CCNL1: variants seen among roughly 807,000 people sequenced by gnomAD.
CCNL1 encodes the protein cyclin-L1.
In CCNL1, 13 loss-of-function variants were observed where a neutral mutation model predicts 60.6. The ratio of observed to expected loss-of-function variants is 0.21; its 90% CI spans 0.14 to 0.34. The LOEUF (loss-of-function observed/expected upper bound fraction) is 0.34. Among genes scored for constraint, CCNL1 ranks in the 10% least tolerant of loss-of-function variants. CCNL1 has a pLI of 1.00. For synonymous variants in CCNL1, 270 were observed against 244.3 expected, an observed-to-expected ratio of 1.10 and a Z score of -0.98; for missense variants, 481 against 664.3, an observed-to-expected ratio of 0.72 and a Z score of 3.03.
chr3:157,147,897 C>T lies in CCNL1; in HGVS notation c.*344G>A, dbSNP rs1037507404. 67 of 1,013,686 alleles carry T rather than the reference C, an allele frequency of 6.6e-5. No individual in the cohort carries two copies. Among genetic ancestry groups the T allele is most frequent in the Non-Finnish European group, 7.0e-5 (59 of 848,874 alleles). 62.8% of individuals were successfully genotyped at this position (1,013,686 alleles called of 1,614,324 possible). Reference sequence around the variant, plus strand: ...TATTCACCATCATTTAAACAAATAACCACTTAAATAGAACAGTGTCTGCAA... The same window carrying T: ...TATTCACCATCATTTAAACAAATAATCACTTAAATAGAACAGTGTCTGCAA... On this transcript the variant is annotated 3_prime_UTR_variant, in exon 11 of 11. Transcript: ENST00000295926.
downstream of CCNL1, among the ~76,000 whole-genome samples, chr3:157,145,437 CAAAAAAAAAAAAAAAA>C (rs56894231): frequency 8.2e-5 from 2 of 24,266 alleles, no homozygotes; most frequent in African/African-American, 2.8e-4. Flanking sequence ...GACTTCATCT[CAAAAAAAAAAAAAAAA>C]AAAAAAAAAA....
chr3:157,160,054 G>A lies in CCNL1; in HGVS notation c.41C>T (p.Ala14Val). ...CGCGCTTGGGGCGGCCGATGAGGCG[G>A]CTGCGGCAGCAGTAGCTGTCGAATG... ...GPHSTATAAAAASSAAPSAGG... is the reference protein window; with the variant it reads ...GPHSTATAAAVASSAAPSAGG... The change falls in exon 1 of 11, where the codon GCC (alanine) becomes GTC (valine). Residue 14 changes from alanine to valine, a missense_variant. Transcript: ENST00000295926. 1.9e-6 allele frequency: 3 copies of A among 1,560,326 alleles called. No individual in the cohort carries two copies. The highest frequency in any genetic ancestry group is 2.4e-5 in the East Asian group (1 of 41,708).
In CCNL1 at chr3:157,148,142, A is replaced by C; in HGVS notation, c.*99T>G. 2 of 1,480,858 alleles carry C rather than the reference A, an allele frequency of 1.4e-6. No homozygotes were observed. Among genetic ancestry groups the C allele is most frequent in the Non-Finnish European group, 1.8e-6 (2 of 1,116,034 alleles). The allele number at this position is 1,480,858 out of a possible 1,614,324, so 91.7% of individuals were successfully genotyped here. On this transcript the variant is annotated 3_prime_UTR_variant, in exon 11 of 11. Transcript: ENST00000295926. ...GACCTAGAGGGTTTCAAGAAATCAA[A>C]TCCTAATCAGTTTGCGTTTAATGTT...
intron 2 of CCNL1, 94 bp from the exon 3 acceptor site, chr3:157,159,069 A>C (rs1738847032): frequency 2.5e-6 from 2 of 811,896 alleles, no homozygotes; most frequent in Admixed American, 2.3e-5. Flanking sequence ...CTTTAGTAAA[A>C]TTAGAGAAGA....
intron 4 of CCNL1, 170 bp downstream of exon 4, chr3:157,152,866 T>G: frequency 1.5e-6 from 2 of 1,369,430 alleles, no homozygotes; most frequent in South Asian, 1.8e-5. Flanking sequence ...GTCATTTTAC[T>G]GATAAATCTC....
downstream of CCNL1, chr3:157,147,465 G>T: frequency 2.3e-6 from 1 of 429,318 alleles, no homozygotes; most frequent in Non-Finnish European, 3.1e-6. Context: ...ACTAAGTTTT[G>T]GTTCATTCAA....
chr3:157,154,479 G>A (rs1040608624), intron 3 of CCNL1: 3 of 152,108 alleles, frequency 2.0e-5, no homozygotes, highest in Non-Finnish European at 2.9e-5. Flanking sequence ...TTTTAAGACA[G>A]TCATCCTCTC....
intron 3 of CCNL1, 184 bp from the exon 4 acceptor site, chr3:157,153,340 C>T (rs891945998): frequency 2.4e-5 from 12 of 504,528 alleles, no homozygotes; most frequent in Middle Eastern, 5.3e-4. Flanking sequence ...TATACATCTA[C>T]GAGACTAAGT....
At chr3:157,152,800 T>C (rs1251171767) in intron 4 of CCNL1, 2 of 1,241,466 alleles carry the variant, frequency 1.6e-6, no homozygotes, top group Admixed American at 8.2e-5. Context: ...GAAACAAAAA[T>C]AACTTCTCTA....
Position 157,153,033 on chromosome 3 carries a change from C to T in CCNL1, c.609+3G>A. The T allele has an allele frequency of 1.9e-6, 3 of 1,613,236 alleles. No homozygotes were observed. The highest frequency in any genetic ancestry group is 2.5e-6 in the Non-Finnish European group (3 of 1,179,478). ...AACCCAATTTCTGTACTCTACAACT[C>T]ACCTTATGAGGATGCTTGACATGAA... is the stretch of plus-strand genomic sequence containing the variant. On this transcript the variant is annotated splice_donor_region_variant and intron_variant, in intron 4 of 10. Coordinates refer to ENST00000295926, the MANE Select transcript of CCNL1 (RefSeq NM_020307.4).
chr3:157,149,740 A>C (rs767220191), intron 8 of CCNL1, 96 bp downstream of exon 8: 10 of 1,503,996 alleles, frequency 6.6e-6, no homozygotes, highest in Non-Finnish European at 8.1e-6. Context: ...GTTTCCTAAC[A>C]TCATTTTTCT....
chr3:157,148,946 T>C (rs983258680), intron 10 of CCNL1: 42 of 332,502 alleles, frequency 1.3e-4, no homozygotes, highest in Non-Finnish European at 2.1e-4. Flanking sequence ...ACTGGTTAAT[T>C]TGATTATTGG....
chr3:157,159,397 G>A lies in CCNL1; in HGVS notation c.378+8C>T, dbSNP rs888495652. The A allele has an allele frequency of 3.7e-6, 6 of 1,613,714 alleles. No homozygotes were observed. Among genetic ancestry groups the A allele is most frequent in the Non-Finnish European group, 3.4e-6 (4 of 1,179,636 alleles). ...GAAATCCCTTTTACCCGCCTCCGCT[G>A]TGCTTACCTCGAAACTGTGTTTGAC... On this transcript the variant is annotated splice_region_variant and intron_variant, in intron 2 of 10. Coordinates refer to ENST00000295926, the MANE Select transcript of CCNL1 (RefSeq NM_020307.4).
At position 157,159,921 on chromosome 3, in the gene CCNL1, CAG is replaced by C. The variant is rs770071369; in HGVS notation, c.172_173del (p.Leu58AspfsTer21). On this transcript the variant is annotated frameshift_variant, in exon 1 of 11. Coordinates refer to ENST00000295926, the MANE Select transcript of CCNL1 (RefSeq NM_020307.4). LOFTEE classifies it high-confidence loss of function. ...SEVSLTIDHS[L>X]IPEERLSPTP... ...TGGGCGAGAGCCTCTCCTCCGGAAT[CAG>C]AGAGTGGTCGATGGTAAGTGAAACT... The C allele has an allele frequency of 6.2e-7, 1 of 1,606,914 alleles. No homozygotes were observed. Among genetic ancestry groups the C allele is most frequent in the African/African-American group, 1.3e-5 (1 of 74,796 alleles).
At position 157,160,121 on chromosome 3, in the gene CCNL1, A is replaced by G; in HGVS notation, c.-27T>C. ...GTCTTAGCGAGCCGCACGCAAGCCC[A>G]ACGCAGCCGGAACCCGAAACAAGAC... On this transcript the variant is annotated 5_prime_UTR_variant, in exon 1 of 11. Transcript: ENST00000295926. 1 of 1,528,856 alleles carries G rather than the reference A, an allele frequency of 6.5e-7. No homozygotes were observed. Among genetic ancestry groups the G allele is most frequent in the Non-Finnish European group, 8.8e-7 (1 of 1,135,460 alleles). 94.7% of individuals were successfully genotyped at this position (1,528,856 alleles called of 1,614,324 possible). A position where few individuals can be genotyped will look rare whatever the true frequency, so the allele number is the denominator to read the frequency against.
Position 157,149,315 on chromosome 3 carries a change from G to A in CCNL1, c.1204C>T (p.Arg402Cys), listed in dbSNP as rs764600739. ...ASRSRSRTRS[R>C]SRSHTPRRHY... is the part of the protein sequence containing the mutation. Reference sequence around the variant, plus strand: ...CTTCTTGGAGTATGTGATCTAGAACGTGATCGTGTTCTTGACCTCGATCGA... The same window carrying A: ...CTTCTTGGAGTATGTGATCTAGAACATGATCGTGTTCTTGACCTCGATCGA... The change falls in exon 10 of 11, where the codon CGT (arginine) becomes TGT (cysteine). Residue 402 changes from arginine (R) to cysteine (C), a missense_variant. This residue lies in a region of CCNL1 where 197 missense variants were observed against 233.9 expected (regional missense o/e 0.84). Coordinates refer to ENST00000295926, the MANE Select transcript of CCNL1 (RefSeq NM_020307.4). The A allele has an allele frequency of 6.8e-6, 11 of 1,613,442 alleles. No individual in the cohort carries two copies. The highest frequency in any genetic ancestry group is 4.4e-5 in the South Asian group (4 of 91,070).
At chr3:157,158,574 C>T (rs573018320) in intron 3 of CCNL1, 1 of 223,766 alleles carries the variant, frequency 4.5e-6, no homozygotes, top group Non-Finnish European at 8.9e-6. Flanking sequence ...CACACTTGAG[C>T]CAAATGTACT....
At chr3:157,152,545 A>T in intron 4 of CCNL1, 1 of 1,097,510 alleles carries the variant, frequency 9.1e-7, no homozygotes. Flanking sequence ...TTCCCAAGGT[A>T]CATTTCTAAC....
At position 157,148,195 on chromosome 3, in the gene CCNL1, A is replaced by G; in HGVS notation, c.*46T>C. 1 of 1,579,386 alleles carries G rather than the reference A, an allele frequency of 6.3e-7. No individual in the cohort carries two copies. Among genetic ancestry groups the G allele is most frequent in the South Asian group, 1.2e-5 (1 of 85,198 alleles). Reference sequence around the variant, plus strand: ...TGATTGAGTCCATACATCACACTGTAGATAGGCAAAACCAAGAACTGATGC... The same window carrying G: ...TGATTGAGTCCATACATCACACTGTGGATAGGCAAAACCAAGAACTGATGC... On this transcript the variant is annotated 3_prime_UTR_variant, in exon 11 of 11. Transcript: ENST00000295926.
Sources: allele counts gnomAD v4.1 joint callset (sites outside exome capture counted in the v4.1 genomes callset), GRCh38; gene constraint gnomAD v4.1.1; regional missense constraint gnomAD v4.1.1; transcripts MANE v1.5; gene names NCBI Gene and HGNC (gene_info 2026-07-23, HGNC 2026-07-21).